NALCN: variants seen among roughly 807,000 people sequenced by gnomAD.
NALCN encodes sodium leak channel, non-selective.
A neutral mutation model predicts 225.3 loss-of-function variants in NALCN; 111 were observed. That is an observed-to-expected ratio of 0.49 (90% CI 0.42 to 0.58). The LOEUF is 0.58. NALCN is among the 20% of genes least tolerant of loss of function. NALCN has a pLI of 0.00. For synonymous variants in NALCN, 764 were observed against 769.0 expected (o/e 0.99, Z 0.11); for missense variants, 1,378 against 2,202.4 (o/e 0.63, Z 7.49).
chr13:101,298,166 A>T (rs2139078814), intron 7 of NALCN, among the ~76,000 whole-genome samples: 1 of 152,350 alleles, frequency 6.6e-6, no homozygotes, highest in South Asian at 2.1e-4. Context: ...CAATGACTAA[A>T]TATTCAATCC....
chr13:101,351,411 T>C (rs2045904961), intron 6 of NALCN, among the ~76,000 whole-genome samples: 1 of 152,226 alleles, frequency 6.6e-6, no homozygotes, highest in Non-Finnish European at 1.5e-5. Context: ...CAAAACATTC[T>C]ATTTACAAAT....
intron 18 of NALCN, among the ~76,000 whole-genome samples, chr13:101,119,419 T>A (rs976582740): frequency 1.3e-5 from 2 of 152,212 alleles, no homozygotes; most frequent in Admixed American, 1.3e-4. Flanking sequence ...AATGTCAGAA[T>A]GCAAACATCA....
intron 13 of NALCN, among the ~76,000 whole-genome samples, chr13:101,205,100 A>G (rs1174524019): frequency 1.3e-5 from 2 of 152,272 alleles, no homozygotes; most frequent in Non-Finnish European, 2.9e-5. Flanking sequence ...CAGGTAAAAG[A>G]CATTTAAGAT....
In NALCN at chr13:101,089,941, C is replaced by G; in HGVS notation, c.3295G>C (p.Asp1099His). 6.2e-7 allele frequency: 1 copy of G among 1,613,922 alleles called. No individual in the cohort carries two copies. The highest frequency in any genetic ancestry group is 8.5e-7 in the Non-Finnish European group (1 of 1,179,892). The change falls in exon 29 of 44, where the codon GAC (aspartate) becomes CAC (histidine). Residue 1099 changes from aspartate (D) to histidine (H), a missense_variant. By Grantham distance (81) the Asp-to-His change is moderately conservative. This residue lies in a region of NALCN where 292 missense variants were observed against 409.5 expected (regional missense o/e 0.71). Transcript: ENST00000251127. The surrounding 1 kb of genome is among the most constrained non-coding windows in gnomAD (Gnocchi z 4.7). ...GCCAGCATAGCGTTTCCCACATTGT[C>G]GAAATTAAAGTTCCGAGGATTCGCC... ...VWANPRNFNF[D>H]NVGNAMLALF...
At chr13:101,405,537 C>T (rs2047594888) in intron 1 of NALCN, among the ~76,000 whole-genome samples, 1 of 152,038 alleles carries the variant, frequency 6.6e-6, no homozygotes, top group African/African-American at 2.4e-5. Flanking sequence ...AGTGTATGAA[C>T]TTCCCCTCTT....
At chr13:101,322,010 A>C (rs779350365) in intron 7 of NALCN, among the ~76,000 whole-genome samples, 6 of 152,220 alleles carry the variant, frequency 3.9e-5, no homozygotes, top group Non-Finnish European at 7.4e-5. Flanking sequence ...CTAAAGTTTT[A>C]CTTTACAAGT....
intron 13 of NALCN, among the ~76,000 whole-genome samples, chr13:101,203,079 T>A (rs2040186797): frequency 1.3e-5 from 2 of 152,220 alleles, no homozygotes; most frequent in Non-Finnish European, 2.9e-5. Context: ...AAAATCAAAA[T>A]AACATATATG....
intron 10 of NALCN, among the ~76,000 whole-genome samples, chr13:101,275,777 T>A (rs1437755180): frequency 2.6e-5 from 4 of 152,024 alleles, no homozygotes; most frequent in Non-Finnish European, 5.9e-5. Context: ...GTTCCTAGGC[T>A]TTTCTTTTTC....
intron 27 of NALCN, among the ~76,000 whole-genome samples, chr13:101,098,075 C>T (rs1364266084): frequency 6.6e-6 from 1 of 152,082 alleles, no homozygotes; most frequent in African/African-American, 2.4e-5. Flanking sequence ...TCGGTCCCTG[C>T]CTCTACACTG....
Position 101,254,667 on chromosome 13 carries a change from G to A in NALCN, c.1266+3776C>T, listed in dbSNP as rs1265485984. On this transcript the variant is annotated intron_variant, in intron 11 of 43. Coordinates refer to ENST00000251127, the MANE Select transcript of NALCN (RefSeq NM_052867.4). ...AGCACTTTGGGAGGCCGAGGCGGGC[G>A]GATCACGAGGTCAGGAGATCGAGAC... is the stretch of plus-strand genomic sequence containing the variant. Among the ~76,000 whole-genome samples, 4 of 72,792 alleles carry A rather than the reference G, an allele frequency of 5.5e-5. 1 individual carries two copies. Among genetic ancestry groups the A allele is most frequent in the East Asian group, 3.1e-4 (1 of 3,248 alleles). 47.8% of individuals were successfully genotyped at this position (72,792 alleles called of 152,430 possible). A position where few individuals can be genotyped will look rare whatever the true frequency, so the allele number is the denominator to read the frequency against.
At chr13:101,303,395 G>A (rs1451987589) in intron 7 of NALCN, among the ~76,000 whole-genome samples, 2 of 152,140 alleles carry the variant, frequency 1.3e-5, no homozygotes, top group African/African-American at 4.8e-5. Flanking sequence ...TTAGCACAGA[G>A]AGAGGCTGAA....
chr13:101,319,869 A>T (rs978115266), intron 7 of NALCN, among the ~76,000 whole-genome samples: 8 of 152,200 alleles, frequency 5.3e-5, no homozygotes, highest in African/African-American at 1.7e-4. Context: ...AACCAATATA[A>T]AATTTATGAA....
intron 10 of NALCN, among the ~76,000 whole-genome samples, chr13:101,278,587 C>T (rs2043042110): frequency 1.3e-5 from 2 of 148,432 alleles, no homozygotes; most frequent in South Asian, 4.2e-4. Flanking sequence ...ATTCCTAACA[C>T]TATATTTCTA....
At chr13:101,186,167 T>C (rs1363947048) in intron 14 of NALCN, among the ~76,000 whole-genome samples, 1 of 152,214 alleles carries the variant, frequency 6.6e-6, no homozygotes, top group Non-Finnish European at 1.5e-5. Context: ...ATAAGGCAGA[T>C]TGGGAACAAC....
intron 15 of NALCN, 80 bp downstream of exon 15, chr13:101,176,220 T>A (rs2038951661): frequency 9.6e-7 from 1 of 1,045,370 alleles, no homozygotes; most frequent in Non-Finnish European, 1.3e-6. Context: ...GAAGCTCAAA[T>A]TTTTAATATT....
At chr13:101,136,804 C>G (rs1218880815) in intron 17 of NALCN, among the ~76,000 whole-genome samples, 1 of 152,076 alleles carries the variant, frequency 6.6e-6, no homozygotes, top group Non-Finnish European at 1.5e-5. Flanking sequence ...ATTTATAATC[C>G]TTTGGGCATG....
intron 14 of NALCN, among the ~76,000 whole-genome samples, chr13:101,187,070 C>G (rs973832781): frequency 6.6e-6 from 1 of 152,160 alleles, no homozygotes; most frequent in Non-Finnish European, 1.5e-5. Context: ...TATCCACTGT[C>G]TCACTTTCTG....
At chr13:101,310,150 T>G (rs2044289058) in intron 7 of NALCN, among the ~76,000 whole-genome samples, 2 of 152,184 alleles carry the variant, frequency 1.3e-5, no homozygotes, top group African/African-American at 4.8e-5. Context: ...CTGTCATTGC[T>G]TCCCTTGATT....
intron 7 of NALCN, among the ~76,000 whole-genome samples, chr13:101,310,661 T>C (rs987505290): frequency 7.9e-5 from 12 of 152,144 alleles, no homozygotes; most frequent in Non-Finnish European, 1.2e-4. Context: ...TTGGTAGAAT[T>C]TGTCAACTCC....
Sources: allele counts gnomAD v4.1 joint callset (sites outside exome capture counted in the v4.1 genomes callset), GRCh38; gene constraint gnomAD v4.1.1; regional missense constraint gnomAD v4.1.1; non-coding constraint Gnocchi (gnomAD v3.1); transcripts MANE v1.5; gene names NCBI Gene and HGNC (gene_info 2026-07-23, HGNC 2026-07-21).